STAU2: variants seen among roughly 807,000 people sequenced by gnomAD.
The protein encoded by STAU2 is staufen double-stranded RNA binding protein 2, also known as double-stranded RNA-binding protein Staufen homolog 2.
In STAU2, 20 loss-of-function variants were observed where a neutral mutation model predicts 65.9. The observed-to-expected ratio is 0.30, with a 90% CI of 0.21 to 0.44. The LOEUF is 0.44. Among genes scored for constraint, STAU2 ranks in the 20% least tolerant of loss-of-function variants. The pLI is 1.00. For synonymous variants in STAU2, 232 were observed against 233.9 expected, an observed-to-expected ratio of 0.99 and a Z score of 0.07; for missense variants, 558 against 683.9, an observed-to-expected ratio of 0.82 and a Z score of 2.05.
At chr8:73,533,145 T>G (rs540596317) in intron 13 of STAU2, among the ~76,000 whole-genome samples, 25 of 152,328 alleles carry the variant, frequency 1.6e-4, no homozygotes, top group African/African-American at 5.3e-4. Flanking sequence ...GATTTATTAT[T>G]TATAAATTAA....
intron 6 of STAU2, among the ~76,000 whole-genome samples, chr8:73,661,931 T>C (rs1046383779): frequency 1.3e-5 from 2 of 152,222 alleles, no homozygotes; most frequent in Non-Finnish European, 2.9e-5. Context: ...TATATTTTCA[T>C]TTATCTTAGG....
intron 13 of STAU2, among the ~76,000 whole-genome samples, chr8:73,443,528 G>A (rs187458670): frequency 1.0e-3 from 159 of 152,294 alleles, no homozygotes; most frequent in Admixed American, 4.6e-3. Flanking sequence ...GGGAAATCAG[G>A]CACCTTCTCA....
chr8:73,661,867 G>A (rs1563490200), intron 6 of STAU2, among the ~76,000 whole-genome samples: 1 of 152,024 alleles, frequency 6.6e-6, no homozygotes, highest in Non-Finnish European at 1.5e-5. Context: ...CCAATTTGGG[G>A]CTATTATAAA....
chr8:73,426,490 T>C (rs920624350), intron 13 of STAU2, among the ~76,000 whole-genome samples: 1 of 152,206 alleles, frequency 6.6e-6, no homozygotes, highest in African/African-American at 2.4e-5. Context: ...CAACCTCTAA[T>C]ATCCTCTGTT....
intron 5 of STAU2, among the ~76,000 whole-genome samples, chr8:73,686,545 C>G (rs143915218): frequency 6.8e-6 from 1 of 146,418 alleles, no homozygotes; most frequent in Non-Finnish European, 1.5e-5. Context: ...CGAGACTCCC[C>G]CTCAAAAAAA....
chr8:73,595,046 T>C (rs1293402030), intron 11 of STAU2, 120 bp downstream of exon 11: 1 of 747,528 alleles, frequency 1.3e-6, no homozygotes, highest in Non-Finnish European at 2.1e-6. Context: ...ATCATCTATC[T>C]TTGTATTGCC....
chr8:73,553,854 T>C (rs187369352), intron 12 of STAU2, among the ~76,000 whole-genome samples: 13 of 152,200 alleles, frequency 8.5e-5, no homozygotes, highest in Admixed American at 7.2e-4. Flanking sequence ...CAGACCTCAG[T>C]GGGAATGTTT....
At chr8:73,623,996 G>T (rs930083358) in intron 6 of STAU2, among the ~76,000 whole-genome samples, 2 of 152,112 alleles carry the variant, frequency 1.3e-5, no homozygotes, top group Non-Finnish European at 2.9e-5. Flanking sequence ...ATTACTGTAA[G>T]TATGTTTTAA....
intron 13 of STAU2, among the ~76,000 whole-genome samples, chr8:73,525,362 C>A (rs1033698924): frequency 6.6e-6 from 1 of 152,096 alleles, no homozygotes; most frequent in Admixed American, 6.6e-5. Flanking sequence ...GCATTCACAC[C>A]GCAGTTATTG....
intron 12 of STAU2, among the ~76,000 whole-genome samples, chr8:73,568,439 CG>C (rs1271068905): frequency 6.6e-6 from 1 of 151,918 alleles, no homozygotes; most frequent in Non-Finnish European, 1.5e-5. Context: ...TGTCTCTAGT[CG>C]GGGGAGTGGG....
At chr8:73,683,433 C>G (rs533160982) in intron 5 of STAU2, among the ~76,000 whole-genome samples, 5 of 152,184 alleles carry the variant, frequency 3.3e-5, no homozygotes, top group African/African-American at 1.2e-4. Flanking sequence ...AAACCCTCAG[C>G]AAAATCGGCA....
chr8:73,647,581 C>CT (rs1312989276), intron 6 of STAU2, among the ~76,000 whole-genome samples: 1,572 of 139,074 alleles, frequency 0.011, 12 homozygotes, highest in African/African-American at 0.026. Flanking sequence ...AATTCTGCAT[C>CT]TTTTTTTTTT....
chr8:73,430,660 G>A (rs1021769196), intron 13 of STAU2, among the ~76,000 whole-genome samples: 2 of 152,138 alleles, frequency 1.3e-5, no homozygotes, highest in Non-Finnish European at 2.9e-5. Flanking sequence ...TAATGTAGTG[G>A]CTTTGTGAAC....
intron 6 of STAU2, among the ~76,000 whole-genome samples, chr8:73,664,724 C>A (rs1305902492): frequency 6.6e-6 from 1 of 152,112 alleles, no homozygotes; most frequent in East Asian, 1.9e-4. Context: ...GGCATGGTGG[C>A]TCATGCCTGT....
chr8:73,608,620 A>AG (rs543910744), intron 9 of STAU2, among the ~76,000 whole-genome samples: 3 of 151,252 alleles, frequency 2.0e-5, no homozygotes, highest in South Asian at 4.2e-4. Context: ...CATAAAAAAA[A>AG]AAAAAGAAAA....
chr8:73,654,620 A>ACAG (rs1816159281), intron 6 of STAU2, among the ~76,000 whole-genome samples: 1 of 112,882 alleles, frequency 8.9e-6, no homozygotes, highest in Admixed American at 1.1e-4. Flanking sequence ...AGCCTAGATG[A>ACAG]CAGAACAAGA....
At chr8:73,455,638 G>A (rs1212310647) in intron 13 of STAU2, among the ~76,000 whole-genome samples, 9 of 152,136 alleles carry the variant, frequency 5.9e-5, no homozygotes, top group Non-Finnish European at 8.8e-5. Flanking sequence ...ATCCTTAAAA[G>A]GCCCTAACCT....
At chr8:73,713,365 A>C (rs1296620683) in intron 3 of STAU2, among the ~76,000 whole-genome samples, 1 of 152,204 alleles carries the variant, frequency 6.6e-6, no homozygotes, top group African/African-American at 2.4e-5. Flanking sequence ...AAGCTACAAA[A>C]TAATGTAGCT....
In STAU2 at chr8:73,421,233, T is replaced by C. The variant is rs1443541510; in HGVS notation, c.*139A>G. 3 of 708,198 alleles carry C rather than the reference T, an allele frequency of 4.2e-6. No homozygotes were observed. The highest frequency in any genetic ancestry group is 2.4e-6 in the Non-Finnish European group (1 of 424,990). The allele number at this position is 708,198 out of a possible 1,614,324, so 43.9% of individuals were successfully genotyped here. A position where few individuals can be genotyped will look rare whatever the true frequency, so the allele number is the denominator to read the frequency against. On this transcript the variant is annotated 3_prime_UTR_variant, in exon 15 of 15. Transcript: ENST00000524300. ...TGAATAAACAGTACCATGTATATTA[T>C]CTCTCGTGTTAGAATAGTGTTGTCT...
Sources: gnomAD v4.1 joint callset for allele counts (sites outside exome capture counted in the v4.1 genomes callset) on GRCh38, gnomAD v4.1.1 for gene constraint, MANE v1.5 for transcripts, NCBI Gene and HGNC (gene_info 2026-07-23, HGNC 2026-07-21) for gene names.